The following COG5 variants were observed in gnomAD, a reference collection of about 807,000 sequenced individuals.
The protein encoded by COG5 is component of oligomeric golgi complex 5, also known as conserved oligomeric Golgi complex subunit 5.
COG5 carries 86 observed loss-of-function variants against 110.4 expected under a neutral mutation model. The ratio of observed to expected loss-of-function variants is 0.78; its 90% CI spans 0.65 to 0.93. The LOEUF (loss-of-function observed/expected upper bound fraction) is 0.93, where lower values mean the gene tolerates loss of function less well. Ranked by LOEUF, COG5 falls within the 40% of genes least tolerant of loss-of-function variation. The probability of loss-of-function intolerance (pLI) is 0.00; values close to 1 mark genes in which losing one functional copy is unlikely to be tolerated. For synonymous variants in COG5, 360 were observed against 334.6 expected (o/e 1.08, Z -0.83); for missense variants, 1,077 against 987.0 (o/e 1.09, Z -1.22).
chr7:107,419,979 T>G (rs1016997261), intron 6 of COG5, among the ~76,000 whole-genome samples: 8 of 152,352 alleles, frequency 5.3e-5, no homozygotes, highest in African/African-American at 1.9e-4. Context: ...TTTTTAATAA[T>G]CTTTGAAATT....
intron 11 of COG5, among the ~76,000 whole-genome samples, chr7:107,306,627 C>A (rs1807738378): frequency 6.6e-6 from 1 of 152,164 alleles, no homozygotes; most frequent in African/African-American, 2.4e-5. Flanking sequence ...GGCAGCAACA[C>A]AAAGTTATGG....
At chr7:107,331,446 C>T (rs139230442) in intron 10 of COG5, among the ~76,000 whole-genome samples, 53 of 151,656 alleles carry the variant, frequency 3.5e-4, no homozygotes, top group African/African-American at 8.7e-4. Context: ...CCAGACTGGG[C>T]GACAGAGCAA....
intron 5 of COG5, among the ~76,000 whole-genome samples, chr7:107,541,251 CT>C (rs1801961321): frequency 6.6e-6 from 1 of 151,596 alleles, no homozygotes; most frequent in African/African-American, 2.4e-5. Flanking sequence ...AATTCCAGCA[CT>C]TTGGGAGGCC....
At chr7:107,298,016 T>TA (rs1806904831) in intron 12 of COG5, 126 bp downstream of exon 12, 1 of 412,226 alleles carries the variant, frequency 2.4e-6, no homozygotes, top group East Asian at 5.1e-5. Context: ...GGTATACAAA[T>TA]AAACTACAAA....
chr7:107,406,906 G>A (rs1000061335), intron 7 of COG5, among the ~76,000 whole-genome samples: 4 of 152,150 alleles, frequency 2.6e-5, no homozygotes, highest in African/African-American at 9.6e-5. Context: ...AATACAAAAG[G>A]CTTATGACAT....
chr7:107,280,917 T>C (rs1805112980), intron 14 of COG5, among the ~76,000 whole-genome samples: 1 of 152,002 alleles, frequency 6.6e-6, no homozygotes, highest in Non-Finnish European at 1.5e-5. Flanking sequence ...TAGGTGACCA[T>C]GCATGAATGA....
intron 10 of COG5, among the ~76,000 whole-genome samples, chr7:107,328,066 A>C (rs184257716): frequency 4.4e-4 from 67 of 152,346 alleles, no homozygotes; most frequent in Non-Finnish European, 9.4e-4. Flanking sequence ...TGGATAAAGA[A>C]AATGTAGTAT....
At chr7:107,248,109 C>A (rs1190369333) in intron 17 of COG5, among the ~76,000 whole-genome samples, 3 of 152,074 alleles carry the variant, frequency 2.0e-5, no homozygotes, top group Non-Finnish European at 4.4e-5. Flanking sequence ...GGCTAAGTCC[C>A]ACAGACTCAT....
At chr7:107,521,160 C>T (rs1286294963) in intron 6 of COG5, among the ~76,000 whole-genome samples, 1 of 152,192 alleles carries the variant, frequency 6.6e-6, no homozygotes, top group African/African-American at 2.4e-5. Flanking sequence ...AGATTAAAGA[C>T]TTAAATGTAA....
intron 17 of COG5, among the ~76,000 whole-genome samples, chr7:107,237,495 T>C (rs538519862): frequency 6.6e-6 from 1 of 152,348 alleles, no homozygotes; most frequent in East Asian, 1.9e-4. Context: ...TTCCATATTC[T>C]GAGAATGACG....
chr7:107,341,000 T>C (rs978824602), intron 10 of COG5, among the ~76,000 whole-genome samples: 4 of 152,110 alleles, frequency 2.6e-5, no homozygotes, highest in African/African-American at 9.7e-5. Context: ...ACAACTCCTA[T>C]TCAATATAGT....
At chr7:107,328,537 C>T (rs185293604) in intron 10 of COG5, among the ~76,000 whole-genome samples, 10 of 152,238 alleles carry the variant, frequency 6.6e-5, no homozygotes, top group African/African-American at 2.4e-4. Flanking sequence ...ATAAATGCTG[C>T]AAGATTCTAC....
Position 107,474,357 on chromosome 7 carries a change from T to C in COG5, c.538+52880A>G. The C allele has an allele frequency of 6.2e-7, 1 of 1,612,684 alleles. No homozygotes were observed. Among genetic ancestry groups the C allele is most frequent in the Non-Finnish European group, 8.5e-7 (1 of 1,178,840 alleles). On this transcript the variant is annotated intron_variant, in intron 6 of 21. Coordinates refer to ENST00000297135, the MANE Select transcript of COG5 (RefSeq NM_006348.5). This position sits in a 1 kb window ranked among gnomAD's most constrained non-coding sequence, Gnocchi z 5.7. ...TTTGTGTGGGATGTATTCCTCTAAC[T>C]ATAGTTATCCTTCTGCTTTCACTGG... is the stretch of plus-strand genomic sequence containing the variant.
intron 19 of COG5, among the ~76,000 whole-genome samples, chr7:107,224,530 C>T (rs1800179255): frequency 6.6e-6 from 1 of 152,214 alleles, no homozygotes; most frequent in African/African-American, 2.4e-5. Context: ...TCATCAGGGA[C>T]AAGCTGTCCC....
intron 10 of COG5, among the ~76,000 whole-genome samples, chr7:107,349,327 A>T (rs1412394323): frequency 6.6e-6 from 1 of 152,204 alleles, no homozygotes; most frequent in Non-Finnish European, 1.5e-5. Flanking sequence ...GAACAATGTT[A>T]AACAGAAGTA....
chr7:107,294,393 T>A lies in COG5; in HGVS notation c.1313+3749A>T, dbSNP rs115641426. 3.4e-3 allele frequency among the ~76,000 whole-genome samples: 514 copies of A among 152,308 alleles called. 5 individuals carry two copies. The highest frequency in any genetic ancestry group is 0.012 in the African/African-American group (484 of 41,556). The stretch of plus-strand genomic sequence containing the variant: ...CTGCTCATCCTAGTTCAAGTCATTA[T>A]CATCTCTTATCTGGATAAACAAAAT... On this transcript the variant is annotated intron_variant, in intron 12 of 21. Transcript: ENST00000297135.
chr7:107,238,379 T>C (rs2116472172), intron 17 of COG5, among the ~76,000 whole-genome samples: 1 of 152,346 alleles, frequency 6.6e-6, no homozygotes, highest in South Asian at 2.1e-4. Context: ...ACATTTTCTT[T>C]ATCCATTTAT....
chr7:107,407,677 C>T (rs546910034), intron 7 of COG5, among the ~76,000 whole-genome samples: 35 of 149,756 alleles, frequency 2.3e-4, no homozygotes, highest in Middle Eastern at 3.4e-3. Flanking sequence ...TAAAACCACC[C>T]ACAAGAATCA....
intron 6 of COG5, among the ~76,000 whole-genome samples, chr7:107,505,109 C>A (rs1798895195): frequency 6.6e-6 from 1 of 152,158 alleles, no homozygotes; most frequent in Admixed American, 6.5e-5. Context: ...TCTCTTGACG[C>A]TTAATCTCAT....
Sources: allele counts gnomAD v4.1 joint callset (sites outside exome capture counted in the v4.1 genomes callset), GRCh38; gene constraint gnomAD v4.1.1; non-coding constraint Gnocchi (gnomAD v3.1); transcripts MANE v1.5; gene names NCBI Gene and HGNC (gene_info 2026-07-23, HGNC 2026-07-21).